PWP1: variants seen among roughly 807,000 people sequenced by gnomAD.
PWP1 encodes PWP1 homolog, endonuclein, also known as periodic tryptophan protein 1 homolog.
A neutral mutation model predicts 69.9 loss-of-function variants in PWP1; 47 were observed. The ratio of observed to expected loss-of-function variants is 0.67; its 90% confidence interval spans 0.53 to 0.86. The LOEUF is 0.86. PWP1 is among the 40% of genes least tolerant of loss of function. The pLI is 0.00. For missense variants in PWP1, 551 were observed against 608.8 expected (o/e 0.91, Z 1.00); for synonymous variants, 222 against 208.2 (o/e 1.07, Z -0.57).
At position 107,709,119 on chromosome 12, in the gene PWP1, C is replaced by G. The variant is rs1157325554; in HGVS notation, c.1177C>G (p.Leu393Val). The G allele has an allele frequency of 6.2e-7, 1 of 1,613,932 alleles. No individual in the cohort carries two copies. The highest frequency in any genetic ancestry group is 8.5e-7 in the Non-Finnish European group (1 of 1,179,908). The change falls in exon 13 of 15, where the codon CTT becomes GTT. Residue 393 changes from leucine (L) to valine (V), a missense_variant. By Grantham distance (32) the Leu-to-Val change is conservative (BLOSUM62 1). Transcript: ENST00000412830. ...AACTTATCTTCCTTTAGGTCTTGAT[C>G]TTAGCAGTCAAATCAAGGGCTGTCT... ...AHNDEISGLD[L>V]SSQIKGCLVT...
At chr12:107,703,142 C>T (rs550267961) in intron 9 of PWP1, 111 bp downstream of exon 9, 65 of 790,028 alleles carry the variant, frequency 8.2e-5, no homozygotes, top group Admixed American at 6.1e-4. Flanking sequence ...ATCTGGCTTG[C>T]GGCATGCTTT....
chr12:107,712,253 T>G lies in PWP1; in HGVS notation c.*33T>G. On this transcript the variant is annotated 3_prime_UTR_variant, in exon 15 of 15. Transcript: ENST00000412830. The stretch of plus-strand genomic sequence containing the variant: ...CATCTAATTTCCTGCTTACCTTAAC[T>G]GGGAATTTTAAAAAGTTGGCCTAAA... The G allele has an allele frequency of 6.4e-7, 1 of 1,555,442 alleles. No homozygotes were observed. The highest frequency in any genetic ancestry group is 8.9e-7 in the Non-Finnish European group (1 of 1,128,662).
chr12:107,688,679 G>C lies in PWP1; in HGVS notation c.196G>C (p.Ala66Pro). ...GSPSEDGMQS[A>P]RTQARPREPL... ...TCCTTCAGAAGATGGCATGCAGAGT[G>C]CACGCACCCAGGCACGCCCAAGAGA... The change falls in exon 3 of 15, where the codon GCA becomes CCA. Residue 66 changes from alanine (A) to proline (P), a missense_variant. Physicochemically the swap from Ala to Pro is conservative, Grantham distance 27. Transcript: ENST00000412830. 2 of 1,614,228 alleles carry C rather than the reference G, an allele frequency of 1.2e-6. No homozygotes were observed. The highest frequency in any genetic ancestry group is 1.7e-6 in the Non-Finnish European group (2 of 1,180,016).
Position 107,712,930 on chromosome 12 carries a change from A to G in PWP1, c.*710A>G, listed in dbSNP as rs1889988111. ...ATAGATTGTCTTCCTATTAAGTATG[A>G]GTTTTAGTAGGCATTAAAAATCGTA... On this transcript the variant is annotated 3_prime_UTR_variant, in exon 15 of 15. Coordinates refer to ENST00000412830, the MANE Select transcript of PWP1 (RefSeq NM_007062.3). 6.6e-6 allele frequency: 1 copy of G among 152,216 alleles called. No homozygotes were observed. The highest frequency in any genetic ancestry group is 1.5e-5 in the Non-Finnish European group (1 of 68,038). The allele number at this position is 152,216 out of a possible 1,614,324, so 9.4% of individuals were successfully genotyped here. A position where few individuals can be genotyped will look rare whatever the true frequency, so the allele number is the denominator to read the frequency against.
At chr12:107,699,568 G>A in intron 8 of PWP1, 134 bp downstream of exon 8, 1 of 668,386 alleles carries the variant, frequency 1.5e-6, no homozygotes, top group Non-Finnish European at 2.5e-6. Context: ...TGCCCTGCTT[G>A]CAGGCAGGAG....
rs1462845191 is a variant in PWP1, at chr12:107,698,527, C to CT, written c.745-845dup. Among the ~76,000 whole-genome samples the CT allele has an allele frequency of 2.0e-5, 3 of 152,096 alleles. No homozygotes were observed. In the East Asian group the frequency reaches 5.8e-4, roughly 29 times the overall value. On this transcript the variant is annotated intron_variant, in intron 7 of 14. Coordinates refer to ENST00000412830, the MANE Select transcript of PWP1 (RefSeq NM_007062.3). ...TGGGTGACAGAGCGAGATTTTGTCT[C>CT]TAAAAAAATAAACTACTATAGTTTC...
chr12:107,686,044 C>T, intron 1 of PWP1, 73 bp downstream of exon 1: 1 of 1,538,926 alleles, frequency 6.5e-7, no homozygotes, highest in Non-Finnish European at 9.0e-7. Context: ...GCTGGGGGAA[C>T]GTGGACCCGG....
At chr12:107,709,757 G>A (rs963223788) in intron 13 of PWP1, among the ~76,000 whole-genome samples, 2 of 151,984 alleles carry the variant, frequency 1.3e-5, no homozygotes, top group Admixed American at 1.3e-4. Flanking sequence ...TGCAGACACA[G>A]TAACACTGCA....
chr12:107,700,450 A>G (rs7970554), intron 8 of PWP1, among the ~76,000 whole-genome samples: 93,957 of 152,018 alleles, frequency 0.62, 29,689 homozygotes, highest in East Asian at 0.71. Context: ...ACTTCTTTGC[A>G]ACTGGCTTAT....
chr12:107,697,829 C>T (rs553834477), intron 7 of PWP1: 33 of 559,936 alleles, frequency 5.9e-5, no homozygotes, highest in African/African-American at 5.2e-4. Context: ...AAAACTAGTT[C>T]AAAGCTAGTA....
intron 13 of PWP1, among the ~76,000 whole-genome samples, chr12:107,709,855 G>T (rs1889909505): frequency 6.6e-6 from 1 of 151,952 alleles, no homozygotes; most frequent in Admixed American, 6.6e-5. Flanking sequence ...ACCATCTCAT[G>T]CTTATTTTTA....
At chr12:107,708,635 C>T (rs539643588) in intron 11 of PWP1, among the ~76,000 whole-genome samples, 1 of 152,308 alleles carries the variant, frequency 6.6e-6, no homozygotes, top group African/African-American at 2.4e-5. Context: ...CCATGCTCAC[C>T]AGGCCTGTGT....
intron 13 of PWP1, among the ~76,000 whole-genome samples, chr12:107,709,577 C>T (rs61938565): frequency 0.19 from 28,295 of 150,836 alleles, 3,725 homozygotes; most frequent in East Asian, 0.52. Context: ...CTCAGGGCAC[C>T]GTAGCTATTA....
chr12:107,703,565 A>T, intron 9 of PWP1, 120 bp from the exon 10 acceptor site: 1 of 825,886 alleles, frequency 1.2e-6, no homozygotes, highest in Non-Finnish European at 2.0e-6. Context: ...TCTTTTGTTT[A>T]CTGTATTTCA....
chr12:107,700,749 A>G (rs1162571079), intron 8 of PWP1, among the ~76,000 whole-genome samples: 2 of 152,092 alleles, frequency 1.3e-5, no homozygotes, highest in Non-Finnish European at 2.9e-5. Context: ...CCACCATACT[A>G]TTTTCCATAA....
chr12:107,706,825 A>G (rs892648210), intron 11 of PWP1, among the ~76,000 whole-genome samples: 5 of 152,210 alleles, frequency 3.3e-5, no homozygotes, highest in African/African-American at 1.2e-4. Context: ...GTTTGAAGTC[A>G]GGTAGCATGA....
intron 5 of PWP1, among the ~76,000 whole-genome samples, chr12:107,696,067 A>G (rs1458012275): frequency 3.2e-5 from 4 of 126,264 alleles, no homozygotes; most frequent in South Asian, 4.8e-4. Context: ...GAGTCTCACT[A>G]TGTCGCCCAG....
chr12:107,710,455 CT>C lies in PWP1; in HGVS notation c.1344del (p.Phe448LeufsTer13). On this transcript the variant is annotated frameshift_variant, in exon 14 of 15. Transcript: ENST00000412830. LOFTEE classifies it high-confidence loss of function. The part of the protein sequence containing the change: ...CCPDLPFIYA[F>X]GGQKEGLRVW... The stretch of plus-strand genomic sequence containing the variant: ...GCCCTGATTTGCCATTTATTTATGC[CT>C]TTGGAGGTCAAAAAGAAGGGCTTCG... 6.2e-7 allele frequency: 1 copy of C among 1,608,088 alleles called. No individual in the cohort carries two copies. Among genetic ancestry groups the C allele is most frequent in the Non-Finnish European group, 8.5e-7 (1 of 1,176,574 alleles).
At chr12:107,696,786 G>A (rs939894993) in intron 6 of PWP1, among the ~76,000 whole-genome samples, 4 of 152,180 alleles carry the variant, frequency 2.6e-5, no homozygotes, top group African/African-American at 4.8e-5. Flanking sequence ...CTTCAGGTAG[G>A]CTAAGGAGGT....
Sources: allele counts gnomAD v4.1 joint callset (sites outside exome capture counted in the v4.1 genomes callset), GRCh38; gene constraint gnomAD v4.1.1; transcripts MANE v1.5; gene names NCBI Gene and HGNC (gene_info 2026-07-23, HGNC 2026-07-21).